NKAIN2: variants seen among roughly 807,000 people sequenced by gnomAD.
NKAIN2 encodes the protein sodium/potassium transporting ATPase interacting 2.
In NKAIN2, 14 loss-of-function variants were observed where a neutral mutation model predicts 32.6. The observed-to-expected ratio is 0.43, with a 90% CI of 0.28 to 0.67. The LOEUF (loss-of-function observed/expected upper bound fraction) is 0.67. NKAIN2 is among the 30% of genes least tolerant of loss of function. The pLI is 0.17. For missense variants in NKAIN2, 198 were observed against 258.3 expected, an observed-to-expected ratio of 0.77 and a Z score of 1.60; for synonymous variants, 80 against 87.2, an observed-to-expected ratio of 0.92 and a Z score of 0.46.
intron 4 of NKAIN2, among the ~76,000 whole-genome samples, chr6:124,697,598 A>G (rs558604751): frequency 6.6e-6 from 1 of 152,340 alleles, no homozygotes; most frequent in African/African-American, 2.4e-5. Context: ...GCAGAAACTG[A>G]TGCAGGATTT....
chr6:123,850,887 C>T (rs979776273), intron 1 of NKAIN2, among the ~76,000 whole-genome samples: 2 of 152,118 alleles, frequency 1.3e-5, no homozygotes, highest in African/African-American at 2.4e-5. Context: ...CTGGTAACTA[C>T]TCTCTATTTC....
chr6:124,666,703 G>T (rs2114459197), intron 4 of NKAIN2, among the ~76,000 whole-genome samples: 1 of 152,142 alleles, frequency 6.6e-6, no homozygotes, highest in East Asian at 1.9e-4. Context: ...TGAGCAAAGT[G>T]CAAGAACTTA....
intron 1 of NKAIN2, among the ~76,000 whole-genome samples, chr6:123,938,596 A>G (rs1014150705): frequency 3.0e-5 from 4 of 132,310 alleles, no homozygotes; most frequent in African/African-American, 8.4e-5. Context: ...GTTTTTATAT[A>G]TTATATATAT....
intron 2 of NKAIN2, among the ~76,000 whole-genome samples, chr6:124,298,716 A>G (rs1796165957): frequency 6.6e-6 from 1 of 152,174 alleles, no homozygotes; most frequent in Non-Finnish European, 1.5e-5. Context: ...CTGTGAACTC[A>G]GCAGATAATG....
chr6:124,679,139 C>A (rs1773500874), intron 4 of NKAIN2, among the ~76,000 whole-genome samples: 1 of 152,070 alleles, frequency 6.6e-6, no homozygotes, highest in Non-Finnish European at 1.5e-5. Flanking sequence ...AGTCCCTGGA[C>A]AGCCCACCCC....
At chr6:124,415,336 A>G (rs926176006) in intron 3 of NKAIN2, among the ~76,000 whole-genome samples, 4 of 152,212 alleles carry the variant, frequency 2.6e-5, no homozygotes, top group Non-Finnish European at 5.9e-5. Context: ...TCAGGACCAC[A>G]CTTACTTTCA....
In NKAIN2 at chr6:124,732,461, G is replaced by T. The variant is rs116946604; in HGVS notation, c.475-58878G>T. On this transcript the variant is annotated intron_variant, in intron 4 of 6. Coordinates refer to ENST00000368417, the MANE Select transcript of NKAIN2 (RefSeq NM_001040214.3). ...ACATGCAATGATTCCATTAATAAAT[G>T]GTCACTATACGCCAAGTACTGTGGT... Among the ~76,000 whole-genome samples, 48 of 152,126 alleles carry T rather than the reference G, an allele frequency of 3.2e-4. No individual in the cohort carries two copies. The East Asian group carries it at 7.9e-3, about 25-fold the overall frequency.
chr6:124,001,068 G>A (rs542188570), intron 1 of NKAIN2, among the ~76,000 whole-genome samples: 60 of 152,154 alleles, frequency 3.9e-4, no homozygotes, highest in African/African-American at 1.4e-3. Flanking sequence ...CAGTGGAATT[G>A]GAATGTGAAA....
chr6:123,900,395 C>T (rs930682419), intron 1 of NKAIN2, among the ~76,000 whole-genome samples: 3 of 151,894 alleles, frequency 2.0e-5, no homozygotes, highest in African/African-American at 7.3e-5. Flanking sequence ...ATCGCTTGAA[C>T]CCGGGAGGCG....
intron 3 of NKAIN2, among the ~76,000 whole-genome samples, chr6:124,408,643 T>C (rs2114485259): frequency 6.6e-6 from 1 of 152,336 alleles, no homozygotes; most frequent in East Asian, 1.9e-4. Flanking sequence ...TGCCTCCAGC[T>C]TTGTTCTTTT....
intron 3 of NKAIN2, among the ~76,000 whole-genome samples, chr6:124,497,443 A>T (rs1036051522): frequency 1.3e-5 from 2 of 152,174 alleles, no homozygotes; most frequent in African/African-American, 4.8e-5. Context: ...CACAGCGAAG[A>T]AGGGGATTTT....
chr6:123,932,884 C>T (rs184911082), intron 1 of NKAIN2, among the ~76,000 whole-genome samples: 64 of 152,056 alleles, frequency 4.2e-4, no homozygotes, highest in Non-Finnish European at 1.5e-5. Flanking sequence ...TCCCTTTGCA[C>T]CACTCTGGTG....
intron 4 of NKAIN2, among the ~76,000 whole-genome samples, chr6:124,718,322 T>A (rs186805221): frequency 2.2e-4 from 34 of 152,336 alleles, no homozygotes; most frequent in African/African-American, 7.7e-4. Flanking sequence ...CTGAGTGCAA[T>A]CATACGACAT....
At chr6:123,878,956 T>TC (rs1773312022) in intron 1 of NKAIN2, among the ~76,000 whole-genome samples, 1 of 152,210 alleles carries the variant, frequency 6.6e-6, no homozygotes, top group African/African-American at 2.4e-5. Context: ...TAGTACTTTT[T>TC]CCTACATTCT....
chr6:123,967,680 A>G (rs1778147615), intron 1 of NKAIN2, among the ~76,000 whole-genome samples: 1 of 152,154 alleles, frequency 6.6e-6, no homozygotes, highest in African/African-American at 2.4e-5. Context: ...CATTATGTGA[A>G]AAAAAAGGGG....
chr6:124,486,217 C>T (rs906845279), intron 3 of NKAIN2, among the ~76,000 whole-genome samples: 2 of 152,086 alleles, frequency 1.3e-5, no homozygotes, highest in African/African-American at 2.4e-5. Flanking sequence ...CTGAAAGAAA[C>T]GTGACGTCTG....
rs116477134 is a variant in NKAIN2 at position 124,432,863 on chromosome 6, C to T, written c.273+77516C>T. On this transcript the variant is annotated intron_variant, in intron 3 of 6. Transcript: ENST00000368417. The stretch of plus-strand genomic sequence containing the variant: ...CCCCCACAGTCAACCACTTCCTCCT[C>T]TGTGTCTCCAAAGCACTAATATACC... Among the ~76,000 whole-genome samples, 987 of 152,180 alleles carry T rather than the reference C, an allele frequency of 6.5e-3. 7 individuals carry two copies. Among genetic ancestry groups the T allele is most frequent in the African/African-American group, 0.023 (955 of 41,516 alleles).
chr6:124,028,444 T>C (rs1379638186), intron 1 of NKAIN2, among the ~76,000 whole-genome samples: 5 of 149,932 alleles, frequency 3.3e-5, no homozygotes, highest in Non-Finnish European at 5.9e-5. Flanking sequence ...TAATGCTAAA[T>C]GACGAGTTAA....
intron 3 of NKAIN2, among the ~76,000 whole-genome samples, chr6:124,604,602 TAAA>T (rs1027075836): frequency 3.3e-5 from 5 of 151,176 alleles, no homozygotes; most frequent in African/African-American, 1.2e-4. Context: ...CCAGAAAAAA[TAAA>T]AAATGTATTT....
Sources: allele counts gnomAD v4.1 joint callset (sites outside exome capture counted in the v4.1 genomes callset), GRCh38; gene constraint gnomAD v4.1.1; transcripts MANE v1.5; gene names NCBI Gene and HGNC (gene_info 2026-07-23, HGNC 2026-07-21).